The following USP9Y variants were observed in gnomAD, a reference collection of about 807,000 sequenced individuals.
The protein encoded by USP9Y is ubiquitin carboxyl-terminal hydrolase 9Y.
A neutral mutation model predicts 53.1 loss-of-function variants in USP9Y; 41 were observed. The ratio of observed to expected loss-of-function variants is 0.77; its 90% confidence interval spans 0.60 to 1.00. USP9Y has a LOEUF of 1.00. Ranked by LOEUF, USP9Y falls within the 50% of genes least tolerant of loss-of-function variation. The pLI is 0.00. For synonymous variants in USP9Y, 220 were observed against 173.7 expected, an observed-to-expected ratio of 1.27 and a Z score of -2.09; for missense variants, 567 against 535.8, an observed-to-expected ratio of 1.06 and a Z score of -0.58.
chrY:12,842,766 A>C (rs774850409), intron 38 of USP9Y, among the ~76,000 whole-genome samples: 5 of 33,484 alleles, frequency 1.5e-4, no homozygotes, highest in African/African-American at 4.6e-4. Context: ...CTTTTCAGTG[A>C]AACACTGTAA....
rs766999197 is a variant in USP9Y at position 12,748,120 on chromosome Y, G to C, written c.1422+8491G>C. ...CAGTGAGCCGCACTGCGGCACTCCA[G>C]TCTGGGCGACAGAGCCAGACCATGC... On this transcript the variant is annotated intron_variant, in intron 12 of 45. Transcript: ENST00000338981. Among the ~76,000 whole-genome samples the C allele has an allele frequency of 2.5e-4, 8 of 32,532 alleles. No homozygotes were observed. The South Asian group carries it at 5.6e-3, about 23-fold the overall frequency. 87.3% of individuals were successfully genotyped at this position (32,532 alleles called of 37,273 possible).
At chrY:12,739,165 A>C in intron 11 of USP9Y, among the ~76,000 whole-genome samples, 1 of 32,603 alleles carries the variant, frequency 3.1e-5, no homozygotes, top group Non-Finnish European at 7.6e-5. Context: ...CCTTTTTTTT[A>C]AGAGAAACAA....
chrY:12,829,821 A>T, intron 33 of USP9Y, among the ~76,000 whole-genome samples: 3 of 33,507 alleles, frequency 9.0e-5, no homozygotes, highest in Non-Finnish European at 2.2e-4. Flanking sequence ...AGGGGTTTTT[A>T]TGTTAAAACC....
At chrY:12,852,281 C>T (rs2053571811) in intron 42 of USP9Y, among the ~76,000 whole-genome samples, 1 of 32,933 alleles carries the variant, frequency 3.0e-5, no homozygotes, top group Non-Finnish European at 7.4e-5. Flanking sequence ...TCTTCAGTCA[C>T]GGATACTCTT....
intron 8 of USP9Y, 76 bp from the exon 9 acceptor site, chrY:12,735,922 G>T: frequency 2.7e-6 from 1 of 372,287 alleles, no homozygotes; most frequent in Non-Finnish European, 3.8e-6. Context: ...GGTCTTAAAT[G>T]TTGAAAGTAA....
At chrY:12,783,841 C>G in intron 22 of USP9Y, among the ~76,000 whole-genome samples, 1 of 33,471 alleles carries the variant, frequency 3.0e-5, no homozygotes, top group African/African-American at 1.2e-4. Context: ...TTCTCTTTCC[C>G]TATACGAAAG....
At chrY:12,756,350 T>G (rs2053468415) in intron 12 of USP9Y, among the ~76,000 whole-genome samples, 6 of 33,037 alleles carry the variant, frequency 1.8e-4, no homozygotes, top group Non-Finnish European at 4.5e-4. Flanking sequence ...ATTTGCATGT[T>G]TCCTGATCCA....
intron 33 of USP9Y, among the ~76,000 whole-genome samples, chrY:12,823,267 T>G (rs2053543622): frequency 3.0e-5 from 1 of 33,723 alleles, no homozygotes; most frequent in African/African-American, 1.2e-4. Flanking sequence ...TGTTGAATTA[T>G]TTTATCATAG....
intron 27 of USP9Y, among the ~76,000 whole-genome samples, chrY:12,795,428 G>A (rs2053512028): frequency 9.1e-5 from 3 of 32,952 alleles, no homozygotes; most frequent in East Asian, 7.9e-4. Context: ...AAGAGCAGGC[G>A]TACTTATCTT....
At chrY:12,781,042 CATATAAATAA>C (rs2053498066) in intron 22 of USP9Y, among the ~76,000 whole-genome samples, 2 of 32,700 alleles carry the variant, frequency 6.1e-5, no homozygotes, top group Non-Finnish European at 1.5e-4. Flanking sequence ...GGCTCTCTAA[CATATAAATAA>C]AATCTACCAT....
At chrY:12,808,355 T>C in intron 27 of USP9Y, among the ~76,000 whole-genome samples, 1 of 33,867 alleles carries the variant, frequency 3.0e-5, no homozygotes, top group Middle Eastern at 0.014. Flanking sequence ...CACAATAAAT[T>C]AGCACCTAAG....
chrY:12,796,654 C>A (rs2053513181), intron 27 of USP9Y, among the ~76,000 whole-genome samples: 1 of 33,373 alleles, frequency 3.0e-5, no homozygotes, highest in Admixed American at 2.7e-4. Context: ...GCTGGTTACC[C>A]ATTTATGTGG....
chrY:12,802,510 G>GGCA (rs2053520127), intron 27 of USP9Y: 1 of 34,085 alleles, frequency 2.9e-5, no homozygotes, highest in South Asian at 6.5e-4. Flanking sequence ...TGCTGTCATT[G>GGCA]GCAGCAGCCC....
At chrY:12,718,848 G>C in intron 3 of USP9Y, among the ~76,000 whole-genome samples, 3 of 33,724 alleles carry the variant, frequency 8.9e-5, no homozygotes, top group African/African-American at 3.5e-4. Context: ...TATGCATTTA[G>C]TATTCTTCCA....
intron 10 of USP9Y, 119 bp downstream of exon 10, chrY:12,736,668 G>T: frequency 6.0e-6 from 1 of 165,349 alleles, no homozygotes; most frequent in Non-Finnish European, 9.9e-6. Context: ...ATGACTAATT[G>T]TAAGATCTTT....
chrY:12,835,221 C>T (rs2053554392), intron 34 of USP9Y, among the ~76,000 whole-genome samples: 2 of 32,346 alleles, frequency 6.2e-5, no homozygotes, highest in Admixed American at 5.8e-4. Context: ...AGCTAAATTT[C>T]GTATTTCTTG....
intron 33 of USP9Y, among the ~76,000 whole-genome samples, chrY:12,821,484 T>G (rs2053541506): frequency 3.0e-5 from 1 of 33,129 alleles, no homozygotes; most frequent in African/African-American, 1.2e-4. Context: ...TGAAAATTCA[T>G]GAACAAGTTT....
rs779626695 is a variant in USP9Y, at chrY:12,722,196, G to T, written c.325+9G>T. 2.6e-6 allele frequency: 1 copy of T among 383,449 alleles called. No homozygotes were observed. The highest frequency in any genetic ancestry group is 9.3e-5 in the East Asian group (1 of 10,729). Reference sequence around the variant, plus strand: ...TGATCTTAGTGTAAAAGGTGAGTGTGGATGTACATTTTCTATAATACGTGC... The same window carrying T: ...TGATCTTAGTGTAAAAGGTGAGTGTTGATGTACATTTTCTATAATACGTGC... On this transcript the variant is annotated intron_variant, in intron 5 of 45. Transcript: ENST00000338981.
chrY:12,730,735 G>A (rs2053446619), intron 7 of USP9Y, among the ~76,000 whole-genome samples: 1 of 32,655 alleles, frequency 3.1e-5, no homozygotes, highest in African/African-American at 1.2e-4. Flanking sequence ...TACCCACGTC[G>A]GCCTCCCAGA....
Sources: gnomAD v4.1 joint callset for allele counts (sites outside exome capture counted in the v4.1 genomes callset) on GRCh38, gnomAD v4.1.1 for gene constraint, MANE v1.5 for transcripts, NCBI Gene and HGNC (gene_info 2026-07-23, HGNC 2026-07-21) for gene names.